Variants in PTPRN2 observed in about 807,000 individuals in gnomAD.
PTPRN2 encodes the protein protein tyrosine phosphatase receptor type N2.
A neutral mutation model predicts 118.8 loss-of-function variants in PTPRN2; 74 were observed. The ratio of observed to expected loss-of-function variants is 0.62; its 90% CI spans 0.52 to 0.76. The LOEUF (loss-of-function observed/expected upper bound fraction) is 0.76. PTPRN2 is among the 30% of genes least tolerant of loss of function. The probability of loss-of-function intolerance (pLI) is 0.00; values close to 1 mark genes in which losing one functional copy is unlikely to be tolerated. For synonymous variants in PTPRN2, 641 were observed against 608.0 expected, an observed-to-expected ratio of 1.05 and a Z score of -0.80; for missense variants, 1,481 against 1,394.4, an observed-to-expected ratio of 1.06 and a Z score of -0.99.
chr7:158,161,651 T>C (rs1822364795), intron 6 of PTPRN2, among the ~76,000 whole-genome samples: 1 of 152,180 alleles, frequency 6.6e-6, no homozygotes, highest in Admixed American at 6.5e-5. Flanking sequence ...GAGGAGAAAC[T>C]CTGGATGACC....
chr7:158,196,142 C>G (rs1321917955), intron 4 of PTPRN2, among the ~76,000 whole-genome samples: 1 of 152,194 alleles, frequency 6.6e-6, no homozygotes, highest in East Asian at 1.9e-4. Flanking sequence ...ATGTCAGATA[C>G]TGTTTGCTCT....
At chr7:158,113,916 G>A (rs1816505351) in intron 9 of PTPRN2, among the ~76,000 whole-genome samples, 1 of 152,198 alleles carries the variant, frequency 6.6e-6, no homozygotes, top group African/African-American at 2.4e-5. Flanking sequence ...CAGGGGCTGA[G>A]CCTGTCCCAA....
chr7:158,331,166 C>A (rs1372350048), intron 2 of PTPRN2, among the ~76,000 whole-genome samples: 2 of 142,376 alleles, frequency 1.4e-5, no homozygotes, highest in African/African-American at 2.6e-5. Flanking sequence ...CACCCACACT[C>A]TCACCAGAAG....
chr7:158,019,649 A>C (rs1345200313), intron 11 of PTPRN2, among the ~76,000 whole-genome samples: 1 of 152,258 alleles, frequency 6.6e-6, no homozygotes, highest in East Asian at 1.9e-4. Context: ...GACAAGACCT[A>C]TATTGAGCAA....
At chr7:158,284,671 C>T (rs1799653227) in intron 3 of PTPRN2, among the ~76,000 whole-genome samples, 1 of 152,148 alleles carries the variant, frequency 6.6e-6, no homozygotes, top group African/African-American at 2.4e-5. Context: ...TTATTCCTGA[C>T]CCTCCCTGCC....
In PTPRN2 at chr7:157,656,433, G is replaced by C; in HGVS notation, c.2120C>G (p.Ala707Gly). The C allele has an allele frequency of 6.4e-7, 1 of 1,554,164 alleles. No individual in the cohort carries two copies. Among genetic ancestry groups the C allele is most frequent in the South Asian group, 1.2e-5 (1 of 84,298 alleles). The change falls in exon 14 of 23, where the codon GCA becomes GGA. Residue 707 changes from alanine (A) to glycine (G), a missense_variant. Transcript: ENST00000389418. Reference sequence around the variant, plus strand: ...GGACCAGGATGAGGCGCTGCTGCGTGCGGAGGGGCTGGGGATCGGCCCGTC... The same window carrying C: ...GGACCAGGATGAGGCGCTGCTGCGTCCGGAGGGGCTGGGGATCGGCCCGTC... ...FSDGPIPSPSARSSASSWSEE... is the reference protein window; with the variant it reads ...FSDGPIPSPSGRSSASSWSEE...
At chr7:158,150,703 A>C (rs999531338) in intron 6 of PTPRN2, among the ~76,000 whole-genome samples, 1 of 152,032 alleles carries the variant, frequency 6.6e-6, no homozygotes, top group African/African-American at 2.4e-5. Context: ...TGCAGAGGGA[A>C]GAATGTGGGT....
intron 14 of PTPRN2, among the ~76,000 whole-genome samples, chr7:157,630,264 T>A (rs1278693459): frequency 4.6e-5 from 7 of 152,174 alleles, no homozygotes; most frequent in African/African-American, 1.7e-4. Context: ...AGCAGGAATG[T>A]TAAAATATTT....
chr7:158,587,212 CT>C (rs1323384257), intron 1 of PTPRN2, among the ~76,000 whole-genome samples: 1 of 132,434 alleles, frequency 7.6e-6, no homozygotes, highest in Non-Finnish European at 1.6e-5. Flanking sequence ...TGAGGCGCCC[CT>C]TCCCCCACGC....
chr7:158,100,403 C>T (rs963687554), intron 10 of PTPRN2, among the ~76,000 whole-genome samples: 1 of 152,102 alleles, frequency 6.6e-6, no homozygotes, highest in Admixed American at 6.5e-5. Flanking sequence ...GACTTCTTGT[C>T]CTCCAGGTAG....
chr7:158,318,000 G>GCGGA (rs1802483299), intron 2 of PTPRN2, among the ~76,000 whole-genome samples: 1 of 152,214 alleles, frequency 6.6e-6, no homozygotes, highest in Non-Finnish European at 1.5e-5. Context: ...GCGCGGGCGG[G>GCGGA]CGGACAATGG....
At chr7:157,799,781 G>A (rs1805114235) in intron 12 of PTPRN2, among the ~76,000 whole-genome samples, 1 of 146,504 alleles carries the variant, frequency 6.8e-6, no homozygotes, top group South Asian at 2.1e-4. Flanking sequence ...CCATCCCTCA[G>A]AGTCACCACA....
chr7:158,029,319 C>T (rs1484193811), intron 11 of PTPRN2: 3 of 152,162 alleles, frequency 2.0e-5, no homozygotes, highest in Non-Finnish European at 4.4e-5. Flanking sequence ...TCTAAGTGTC[C>T]CTTAAACTTA....
intron 10 of PTPRN2, among the ~76,000 whole-genome samples, chr7:158,088,457 C>T (rs372657721): frequency 4.8e-4 from 5 of 10,432 alleles, no homozygotes; most frequent in African/African-American, 6.6e-4. Context: ...ACAAACCTTC[C>T]TCCCCTGATG....
intron 12 of PTPRN2, among the ~76,000 whole-genome samples, chr7:157,788,160 G>A (rs1804193706): frequency 6.6e-6 from 1 of 152,178 alleles, no homozygotes; most frequent in Non-Finnish European, 1.5e-5. Context: ...CGGATCACGA[G>A]GTCAGGAGAT....
intron 12 of PTPRN2, among the ~76,000 whole-genome samples, chr7:157,841,880 G>A (rs745584940): frequency 2.7e-5 from 4 of 146,536 alleles, no homozygotes; most frequent in South Asian, 4.5e-4. Context: ...AGCCTGCAGG[G>A]GCCCACAGGA....
At chr7:157,552,232 G>A (rs1461379658) in intron 21 of PTPRN2, among the ~76,000 whole-genome samples, 1 of 152,164 alleles carries the variant, frequency 6.6e-6, no homozygotes, top group Non-Finnish European at 1.5e-5. Flanking sequence ...GACGTTTGCT[G>A]TTTAATTACC....
intron 11 of PTPRN2, among the ~76,000 whole-genome samples, chr7:157,948,460 G>A (rs1229523534): frequency 6.6e-6 from 1 of 151,812 alleles, no homozygotes; most frequent in African/African-American, 2.4e-5. Context: ...TGCAGGAAAA[G>A]AAAATGAGAA....
intron 2 of PTPRN2, among the ~76,000 whole-genome samples, chr7:158,352,374 T>A (rs1808070657): frequency 6.6e-6 from 1 of 151,210 alleles, no homozygotes; most frequent in African/African-American, 2.4e-5. Flanking sequence ...ACCACTCCCC[T>A]CCCTGGCCAG....
Sources: allele counts gnomAD v4.1 joint callset (sites outside exome capture counted in the v4.1 genomes callset), GRCh38; gene constraint gnomAD v4.1.1; transcripts MANE v1.5; gene names NCBI Gene and HGNC (gene_info 2026-07-23, HGNC 2026-07-21).